TASP1: variants seen among roughly 807,000 people sequenced by gnomAD.
TASP1 encodes the protein threonine aspartase 1.
Under a neutral mutation model 56.6 loss-of-function variants are expected in TASP1, and 16 were observed. That is an observed-to-expected ratio of 0.28 (90% CI 0.19 to 0.43). TASP1 has a LOEUF of 0.43. Ranked by LOEUF, TASP1 falls within the 20% of genes least tolerant of loss-of-function variation. The pLI is 1.00. For synonymous variants in TASP1, 179 were observed against 184.2 expected (o/e 0.97, Z 0.23); for missense variants, 393 against 511.6 (o/e 0.77, Z 2.24).
Position 13,587,021 on chromosome 20 carries a change from A to AT in TASP1, c.403+228dup, listed in dbSNP as rs200570667. Among the ~76,000 whole-genome samples, 986 of 152,282 alleles carry AT rather than the reference A, an allele frequency of 6.5e-3. 15 individuals are homozygous for AT. Among genetic ancestry groups the AT allele is most frequent in the African/African-American group, 0.023 (948 of 41,562 alleles). Reference sequence around the variant, plus strand: ...AATTGTAAAATTAATATTCTAAATCATGTCTTAAATGTCTTTAATCTCTTC... The same window carrying AT: ...AATTGTAAAATTAATATTCTAAATCATTGTCTTAAATGTCTTTAATCTCTTC... On this transcript the variant is annotated intron_variant, in intron 5 of 13. Coordinates refer to ENST00000337743, the MANE Select transcript of TASP1 (RefSeq NM_017714.3).
the TASP1 span, among the ~76,000 whole-genome samples, chr20:13,310,831 C>G: frequency 6.6e-6 from 1 of 152,158 alleles, no homozygotes; most frequent in African/African-American, 2.4e-5. Context: ...ATGTCACTAA[C>G]CGCAGGAAAA....
chr20:13,418,463 A>G (rs1350411594), intron 12 of TASP1, among the ~76,000 whole-genome samples: 2 of 152,208 alleles, frequency 1.3e-5, no homozygotes, highest in African/African-American at 4.8e-5. Context: ...ACCACTGAAC[A>G]AAGTCAGAAC....
chr20:13,309,315 A>T, the TASP1 span, among the ~76,000 whole-genome samples: 32 of 152,066 alleles, frequency 2.1e-4, no homozygotes, highest in African/African-American at 7.5e-4. Flanking sequence ...AGAATAAAGG[A>T]CAAAACATTT....
chr20:13,329,517 C>T, the TASP1 span, among the ~76,000 whole-genome samples: 1 of 152,148 alleles, frequency 6.6e-6, no homozygotes, highest in Non-Finnish European at 1.5e-5. Context: ...CACTTTGTTA[C>T]AGCCCCAGCA....
At chr20:13,163,901 TTTTTA>T in the TASP1 span, among the ~76,000 whole-genome samples, 2 of 152,198 alleles carry the variant, frequency 1.3e-5, no homozygotes, top group African/African-American at 4.8e-5. Context: ...AATGACCTTT[TTTTTA>T]TTTTATTATT....
At chr20:13,360,061 A>G in the TASP1 span, among the ~76,000 whole-genome samples, 1 of 152,144 alleles carries the variant, frequency 6.6e-6, no homozygotes, top group Non-Finnish European at 1.5e-5. Context: ...CTAAAACCAG[A>G]CAAGCCTTAC....
At chr20:13,602,593 T>C (rs529377667) in intron 4 of TASP1, among the ~76,000 whole-genome samples, 21 of 152,204 alleles carry the variant, frequency 1.4e-4, no homozygotes, top group African/African-American at 4.6e-4. Flanking sequence ...GGAAGACAAT[T>C]TTTCCATGGA....
the TASP1 span, among the ~76,000 whole-genome samples, chr20:13,241,440 G>A: frequency 6.3e-3 from 962 of 152,258 alleles, 10 homozygotes; most frequent in African/African-American, 0.022. Context: ...ACTGAGAGAG[G>A]AGAAATGAGG....
At chr20:13,510,773 T>C (rs1160423819) in intron 10 of TASP1, among the ~76,000 whole-genome samples, 4 of 152,318 alleles carry the variant, frequency 2.6e-5, no homozygotes, top group African/African-American at 7.2e-5. Context: ...AGAATCATTA[T>C]GTAAAAAGTA....
At chr20:13,286,983 G>A in the TASP1 span, among the ~76,000 whole-genome samples, 1 of 152,228 alleles carries the variant, frequency 6.6e-6, no homozygotes, top group Admixed American at 6.5e-5. Flanking sequence ...AGGTACTGCA[G>A]AAAGAATCAC....
At chr20:13,232,422 T>C in the TASP1 span, among the ~76,000 whole-genome samples, 10 of 152,240 alleles carry the variant, frequency 6.6e-5, no homozygotes, top group Admixed American at 2.0e-4. Flanking sequence ...TTGCATGATA[T>C]GGCTTTTTGC....
intron 8 of TASP1, among the ~76,000 whole-genome samples, chr20:13,557,013 C>G (rs927748298): frequency 2.6e-5 from 4 of 152,124 alleles, no homozygotes; most frequent in African/African-American, 9.7e-5. Context: ...CCATTATTTT[C>G]TTACTACCCA....
chr20:13,560,622 G>T (rs1568583229), intron 7 of TASP1, among the ~76,000 whole-genome samples: 1 of 151,998 alleles, frequency 6.6e-6, no homozygotes, highest in Non-Finnish European at 1.5e-5. Context: ...AAGGTGGGGG[G>T]AAAAAACAGG....
At chr20:13,638,023 T>C (rs528817591) in intron 1 of TASP1, among the ~76,000 whole-genome samples, 1 of 152,320 alleles carries the variant, frequency 6.6e-6, no homozygotes, top group East Asian at 1.9e-4. Flanking sequence ...AATAGGTTAA[T>C]ATGAATAAAA....
the TASP1 span, chr20:13,221,724 CGCCGCCGCCGCCG>C: frequency 1.6e-6 from 2 of 1,274,686 alleles, no homozygotes; most frequent in Non-Finnish European, 2.0e-6. Context: ...CCGGCGTCAC[CGCCGCCGCCGCCG>C]GCCGCCGCGC....
the TASP1 span, among the ~76,000 whole-genome samples, chr20:13,129,118 C>T: frequency 3.5e-4 from 53 of 152,188 alleles, no homozygotes; most frequent in African/African-American, 1.2e-3. Context: ...CTGCCTGCCT[C>T]GGCCTCCCAA....
intron 11 of TASP1, among the ~76,000 whole-genome samples, chr20:13,447,331 T>C (rs887980430): frequency 8.5e-5 from 13 of 152,176 alleles, no homozygotes; most frequent in African/African-American, 3.1e-4. Context: ...TGTGTTTCTT[T>C]ATCTGTGAGC....
intron 10 of TASP1, among the ~76,000 whole-genome samples, chr20:13,497,893 C>T (rs758538470): frequency 2.3e-4 from 35 of 152,154 alleles, no homozygotes; most frequent in Non-Finnish European, 4.9e-4. Flanking sequence ...AGAAATGACT[C>T]TGTATTTAAT....
At chr20:13,604,377 C>T (rs891046391) in intron 4 of TASP1, among the ~76,000 whole-genome samples, 2 of 152,110 alleles carry the variant, frequency 1.3e-5, no homozygotes, top group Admixed American at 6.5e-5. Flanking sequence ...CACCTCTTCC[C>T]TCTCTTTCTT....
Sources: gnomAD v4.1 joint callset for allele counts (sites outside exome capture counted in the v4.1 genomes callset) on GRCh38, gnomAD v4.1.1 for gene constraint, MANE v1.5 for transcripts, NCBI Gene and HGNC (gene_info 2026-07-23, HGNC 2026-07-21) for gene names.